The following STXBP5 variants were observed in gnomAD, a reference collection of about 807,000 sequenced individuals.
The protein encoded by STXBP5 is syntaxin binding protein 5, also known as syntaxin-binding protein 5.
STXBP5 carries 50 observed loss-of-function variants against 152.4 expected under a neutral mutation model. The observed-to-expected ratio is 0.33, with a 90% CI of 0.26 to 0.42. The LOEUF is 0.42. Among genes scored for constraint, STXBP5 ranks in the 10% least tolerant of loss-of-function variants. STXBP5 has a pLI of 1.00. For synonymous variants in STXBP5, 492 were observed against 494.7 expected (o/e 0.99, Z 0.07); for missense variants, 1,167 against 1,388.6 (o/e 0.84, Z 2.54).
Position 147,311,464 on chromosome 6 carries a change from A to C in STXBP5, c.1082A>C (p.Glu361Ala). The C allele has an allele frequency of 1.2e-6, 2 of 1,611,938 alleles. 1 individual carries two copies. Among genetic ancestry groups the C allele is most frequent in the South Asian group, 2.2e-5 (2 of 90,728 alleles). ...CATTGTCCAATTCCAGATTTTCAAG[A>C]ACCATATGCTGTGGTTGTTCTTCTA... is the stretch of plus-strand genomic sequence containing the variant. ...CETPYPNDFQ[E>A]PYAVVVLLEK... Residue 361 changes from glutamate (E) to alanine (A), a missense_variant, in exon 11 of 28, where the codon GAA (glutamate) becomes GCA (alanine). Glu to Ala is a moderately radical substitution (Grantham distance 107). Coordinates refer to ENST00000321680, the MANE Select transcript of STXBP5 (RefSeq NM_001127715.4).
At chr6:147,374,245 T>A (rs970656011) in intron 26 of STXBP5, among the ~76,000 whole-genome samples, 2 of 152,236 alleles carry the variant, frequency 1.3e-5, no homozygotes, top group African/African-American at 2.4e-5. Context: ...CATCATAAGA[T>A]AAACCTTCTG....
rs1444065588 is a variant in STXBP5 at position 147,204,693 on chromosome 6, C to T, written c.150+11C>T. The stretch of plus-strand genomic sequence containing the variant: ...TTTCAGCTCTGCAAGGTGAACGGAG[C>T]GCGCAGCCCCGCGACACCGTCATTG... On this transcript the variant is annotated intron_variant, in intron 1 of 27. Coordinates refer to ENST00000321680, the MANE Select transcript of STXBP5 (RefSeq NM_001127715.4). This position sits in a 1 kb window ranked among gnomAD's most constrained non-coding sequence, Gnocchi z 4.3. The T allele has an allele frequency of 1.9e-6, 3 of 1,550,306 alleles. No homozygotes were observed. Among genetic ancestry groups the T allele is most frequent in the Admixed American group, 2.0e-5 (1 of 50,940 alleles).
intron 2 of STXBP5, among the ~76,000 whole-genome samples, chr6:147,226,332 A>C (rs1294922444): frequency 6.6e-6 from 1 of 152,058 alleles, no homozygotes; most frequent in African/African-American, 2.4e-5. Context: ...TGGACATAAA[A>C]CATGTTTCTT....
rs1786536059 is a variant in STXBP5, at chr6:147,390,421, T to C, written c.*5666T>C. Reference sequence around the variant, plus strand: ...TATGTATATGAATGTCTCTTTATGCTGAAGGGCTCTGATTGGGCAAAATAA... The same window carrying C: ...TATGTATATGAATGTCTCTTTATGCCGAAGGGCTCTGATTGGGCAAAATAA... On this transcript the variant is annotated 3_prime_UTR_variant, in exon 28 of 28. Coordinates refer to ENST00000321680, the MANE Select transcript of STXBP5 (RefSeq NM_001127715.4). The C allele has an allele frequency of 6.6e-6, 1 of 152,014 alleles. No homozygotes were observed. Among genetic ancestry groups the C allele is most frequent in the African/African-American group, 2.4e-5 (1 of 41,430 alleles). 9.4% of individuals were successfully genotyped at this position (152,014 alleles called of 1,614,324 possible).
intron 2 of STXBP5, among the ~76,000 whole-genome samples, chr6:147,214,513 A>C (rs567743291): frequency 6.6e-6 from 1 of 152,310 alleles, no homozygotes; most frequent in South Asian, 2.1e-4. Flanking sequence ...CCTTAAGTCT[A>C]GAATAAACTT....
chr6:147,218,678 G>A (rs1450045456), intron 2 of STXBP5, among the ~76,000 whole-genome samples: 1 of 152,046 alleles, frequency 6.6e-6, no homozygotes, highest in Non-Finnish European at 1.5e-5. Flanking sequence ...ACAAGGTCCT[G>A]GCATGTTGGC....
intron 11 of STXBP5, among the ~76,000 whole-genome samples, chr6:147,313,590 G>A (rs1782489087): frequency 6.6e-6 from 1 of 152,098 alleles, no homozygotes; most frequent in Admixed American, 6.6e-5. Context: ...TTGTTCTTCA[G>A]TAAAATGCCT....
intron 2 of STXBP5, among the ~76,000 whole-genome samples, chr6:147,218,585 A>G (rs1337412164): frequency 6.6e-6 from 1 of 152,026 alleles, no homozygotes; most frequent in East Asian, 1.9e-4. Flanking sequence ...GGCTCGAGCA[A>G]TCCTTCCACC....
rs1405751776 is a variant in STXBP5 at position 147,386,557 on chromosome 6, A to G, written c.*1802A>G. ...TCAAGCCAAAAGAAATATTTTTTAAATAAGCCCTTTTCAAAAGTTTTTGAA... is the reference window on the plus strand; with the variant it reads ...TCAAGCCAAAAGAAATATTTTTTAAGTAAGCCCTTTTCAAAAGTTTTTGAA... On this transcript the variant is annotated 3_prime_UTR_variant, in exon 28 of 28. Coordinates refer to ENST00000321680, the MANE Select transcript of STXBP5 (RefSeq NM_001127715.4). The G allele has an allele frequency of 2.0e-5, 3 of 151,888 alleles. No individual in the cohort carries two copies. The highest frequency in any genetic ancestry group is 7.2e-5 in the African/African-American group (3 of 41,418). The allele number at this position is 151,888 out of a possible 1,614,324, so 9.4% of individuals were successfully genotyped here. A position where few individuals can be genotyped will look rare whatever the true frequency, so the allele number is the denominator to read the frequency against.
chr6:147,353,251 T>C (rs1486155265), intron 21 of STXBP5, 72 bp from the exon 22 acceptor site: 3 of 937,340 alleles, frequency 3.2e-6, no homozygotes, highest in Non-Finnish European at 4.7e-6. Context: ...TTCACTTCTA[T>C]CTTGAAAATC....
Position 147,204,582 on chromosome 6 carries a change from C to G in STXBP5, c.50C>G (p.Ser17Trp), listed in dbSNP as rs745945655. Reference sequence around the variant, plus strand: ...GTGCTGGACGGCCTGACCGCCGGCTCGTCCTCGGCGTCGCAGCAGCAACAG... The same window carrying G: ...GTGCTGGACGGCCTGACCGCCGGCTGGTCCTCGGCGTCGCAGCAGCAACAG... ...RKVLDGLTAG[S>W]SSASQQQQQQ... The change falls in exon 1 of 28, where the codon TCG becomes TGG. Residue 17 changes from serine (S) to tryptophan (W), a missense_variant. Ser to Trp is a radical substitution (Grantham distance 177). Coordinates refer to ENST00000321680, the MANE Select transcript of STXBP5 (RefSeq NM_001127715.4). The surrounding 1 kb of genome is among the most constrained non-coding windows in gnomAD (Gnocchi z 4.3). 1.2e-6 allele frequency: 2 copies of G among 1,609,494 alleles called. No individual in the cohort carries two copies. The highest frequency in any genetic ancestry group is 8.5e-7 in the Non-Finnish European group (1 of 1,178,192).
At chr6:147,206,800 G>T (rs1417024128) in intron 2 of STXBP5, among the ~76,000 whole-genome samples, 2 of 151,958 alleles carry the variant, frequency 1.3e-5, no homozygotes, top group Non-Finnish European at 2.9e-5. Context: ...TACTTCAAAA[G>T]ATTTTTTTCA....
At chr6:147,327,357 G>A in intron 18 of STXBP5, 81 bp downstream of exon 18, 1 of 1,482,164 alleles carries the variant, frequency 6.7e-7, no homozygotes, top group Non-Finnish European at 9.0e-7. Flanking sequence ...AAGTATTATA[G>A]TTAGGTAAAT....
chr6:147,379,543 TAAAA>T (rs1442500326), intron 26 of STXBP5, among the ~76,000 whole-genome samples: 2 of 152,228 alleles, frequency 1.3e-5, no homozygotes, highest in South Asian at 4.1e-4. Flanking sequence ...ATAGTTCTAA[TAAAA>T]ATCCTTCCAA....
rs1776537406 is a variant in STXBP5 at position 147,206,030 on chromosome 6, G to T, written c.210G>T (p.Lys70Asn). Residue 70 changes from lysine (K) to asparagine (N), a missense_variant, in exon 2 of 28, where the codon AAG becomes AAT. By Grantham distance (94) the Lys-to-Asn change is moderately conservative. Around this residue, in one of 3 missense-constraint regions of STXBP5, gnomAD observed 310 missense variants for 346.1 expected, o/e 0.90. Transcript: ENST00000321680. ...PSALAFDPVQ[K>N]ILAVGTQTGA... is the part of the protein sequence containing the mutation. ...CCCTGGCCTTTGATCCTGTACAGAA[G>T]ATCCTGGCAGTGGGAACTCAGACTG... is the stretch of plus-strand genomic sequence containing the variant. 6.2e-7 allele frequency: 1 copy of T among 1,614,044 alleles called. No individual in the cohort carries two copies. Among genetic ancestry groups the T allele is most frequent in the Non-Finnish European group, 8.5e-7 (1 of 1,180,006 alleles).
intron 8 of STXBP5, among the ~76,000 whole-genome samples, chr6:147,287,005 CTTTAAAATTT>C (rs1780997489): frequency 1.3e-5 from 2 of 149,334 alleles, no homozygotes; most frequent in Admixed American, 1.3e-4. Flanking sequence ...GTTTTTGCAT[CTTTAAAATTT>C]TTTAAAATTT....
chr6:147,324,637 T>A (rs1032221377), intron 16 of STXBP5, among the ~76,000 whole-genome samples: 3 of 152,024 alleles, frequency 2.0e-5, no homozygotes, highest in African/African-American at 7.2e-5. Flanking sequence ...TCTTAATCCT[T>A]GGACTGCCGC....
chr6:147,247,808 A>C (rs1308478586), intron 4 of STXBP5, among the ~76,000 whole-genome samples: 1 of 152,200 alleles, frequency 6.6e-6, no homozygotes. Flanking sequence ...ACTCTTTTAC[A>C]ACTTCCTGAC....
Position 147,364,044 on chromosome 6 carries a change from C to T in STXBP5, c.2959C>T (p.Leu987Phe), listed in dbSNP as rs767806584. 6.2e-7 allele frequency: 1 copy of T among 1,613,978 alleles called. No homozygotes were observed. Among genetic ancestry groups the T allele is most frequent in the Non-Finnish European group, 8.5e-7 (1 of 1,179,982 alleles). ...RPLLDVYYLP[L>F]TNMRIARTFC... ...TCTGTTGGATGTGTATTACTTGCCCCTTACCAATATGCGGATAGCCAGAAC... is the reference window on the plus strand; with the variant it reads ...TCTGTTGGATGTGTATTACTTGCCCTTTACCAATATGCGGATAGCCAGAAC... Residue 987 changes from leucine (L) to phenylalanine (F), a missense_variant, in exon 25 of 28, where the codon CTT becomes TTT. Around this residue, in one of 3 missense-constraint regions of STXBP5, gnomAD observed 833 missense variants for 986.3 expected, o/e 0.84. Transcript: ENST00000321680.
Sources: allele counts gnomAD v4.1 joint callset (sites outside exome capture counted in the v4.1 genomes callset), GRCh38; gene constraint gnomAD v4.1.1; regional missense constraint gnomAD v4.1.1; non-coding constraint Gnocchi (gnomAD v3.1); transcripts MANE v1.5; gene names NCBI Gene and HGNC (gene_info 2026-07-23, HGNC 2026-07-21).